Variants in ABCC4 observed in about 807,000 individuals in gnomAD.
The protein encoded by ABCC4 is ATP-binding cassette sub-family C member 4.
In ABCC4, 102 loss-of-function variants were observed where a neutral mutation model predicts 168.5. That is an observed-to-expected ratio of 0.61 (90% CI 0.52 to 0.71). The LOEUF is 0.71. ABCC4 is among the 30% of genes least tolerant of loss of function. The pLI is 0.00. For synonymous variants in ABCC4, 617 were observed against 590.7 expected (o/e 1.04, Z -0.65); for missense variants, 1,402 against 1,605.8 (o/e 0.87, Z 2.17).
chr13:95,032,221 C>T (rs1405527806), intron 30 of ABCC4, among the ~76,000 whole-genome samples: 2 of 152,188 alleles, frequency 1.3e-5, no homozygotes, highest in African/African-American at 2.4e-5. Context: ...GGCTTGAATC[C>T]GGACTCTGCC....
At chr13:95,209,365 A>G in intron 6 of ABCC4, 69 bp downstream of exon 6, 1 of 1,531,740 alleles carries the variant, frequency 6.5e-7, no homozygotes, top group East Asian at 2.3e-5. Flanking sequence ...GTTTCTGAAC[A>G]AAAGCATTGG....
intron 4 of ABCC4, among the ~76,000 whole-genome samples, chr13:95,216,619 A>AC (rs1405510451): frequency 6.6e-6 from 1 of 151,276 alleles, no homozygotes; most frequent in Non-Finnish European, 1.5e-5. Context: ...AAAAAAAAAA[A>AC]AAAAAAAAAA....
chr13:95,233,986 A>C (rs2039692533), intron 4 of ABCC4, among the ~76,000 whole-genome samples: 1 of 152,248 alleles, frequency 6.6e-6, no homozygotes, highest in African/African-American at 2.4e-5. Context: ...TAGATTTAGA[A>C]TATAAAGAAA....
chr13:95,164,339 A>G lies in ABCC4; in HGVS notation c.2175+39T>C, dbSNP rs766739179. 1.3e-5 allele frequency: 21 copies of G among 1,611,638 alleles called. No individual in the cohort carries two copies. The South Asian group carries it at 2.3e-4, about 18-fold the overall frequency. On this transcript the variant is annotated intron_variant, in intron 16 of 30. Transcript: ENST00000645237. ...AATAGCATAAACATAGGTACTGTAA[A>G]TATCATTTTGAGGGCGCAAAACAAA...
chr13:95,127,428 G>T (rs1296133867), intron 19 of ABCC4, among the ~76,000 whole-genome samples: 2 of 152,058 alleles, frequency 1.3e-5, no homozygotes, highest in Non-Finnish European at 2.9e-5. Context: ...TGGCAGGTGT[G>T]TGCCACCATG....
intron 8 of ABCC4, 133 bp from the exon 9 acceptor site, chr13:95,195,070 A>G: frequency 1.5e-6 from 1 of 673,406 alleles, no homozygotes; most frequent in Non-Finnish European, 2.6e-6. Context: ...CCCTATTTAA[A>G]GTATCGGTTC....
Position 95,186,988 on chromosome 13 carries a change from A to G in ABCC4, c.1354-96T>C, listed in dbSNP as rs2038086534. On this transcript the variant is annotated intron_variant, in intron 10 of 30. Coordinates refer to ENST00000645237, the MANE Select transcript of ABCC4 (RefSeq NM_005845.5). The stretch of plus-strand genomic sequence containing the variant: ...CTTGCCCAGCCCTGGGAGCTTGAAA[A>G]ACACCATTCATTCATTTAAAAGAGC... The G allele has an allele frequency of 3.9e-6, 4 of 1,024,582 alleles. No homozygotes were observed. In the South Asian group the frequency reaches 8.9e-5, roughly 23 times the overall value. 63.5% of individuals were successfully genotyped at this position (1,024,582 alleles called of 1,614,324 possible).
At chr13:95,107,565 T>C (rs2035051108) in intron 20 of ABCC4, among the ~76,000 whole-genome samples, 2 of 152,194 alleles carry the variant, frequency 1.3e-5, no homozygotes, top group African/African-American at 4.8e-5. Context: ...TGTTTTTCCT[T>C]GTTTATACAG....
intron 21 of ABCC4, among the ~76,000 whole-genome samples, chr13:95,077,960 C>CAA (rs2033964678): frequency 6.6e-6 from 1 of 152,116 alleles, no homozygotes. Context: ...CACTGGGGTT[C>CAA]TGAGAAAGTG....
chr13:95,127,534 T>C (rs571777738), intron 19 of ABCC4, among the ~76,000 whole-genome samples: 3 of 152,286 alleles, frequency 2.0e-5, no homozygotes, highest in Admixed American at 6.5e-5. Context: ...CGCTTTGGCC[T>C]CCCAAAGTGC....
chr13:95,112,976 G>A (rs2035254199), intron 20 of ABCC4, among the ~76,000 whole-genome samples: 2 of 152,116 alleles, frequency 1.3e-5, no homozygotes, highest in Non-Finnish European at 2.9e-5. Context: ...TTTGAAAGGG[G>A]CTAAATAAAC....
At chr13:95,138,657 C>T (rs1328764164) in intron 19 of ABCC4, among the ~76,000 whole-genome samples, 5 of 151,876 alleles carry the variant, frequency 3.3e-5, no homozygotes, top group African/African-American at 9.6e-5. Flanking sequence ...GATCCTGATT[C>T]TAAAAAAAAA....
At chr13:95,209,697 C>T in intron 5 of ABCC4, 100 bp from the exon 6 acceptor site, 1 of 1,202,758 alleles carries the variant, frequency 8.3e-7, no homozygotes, top group Non-Finnish European at 1.1e-6. Flanking sequence ...AGGCAAGATC[C>T]TAAACAGAAA....
chr13:95,215,658 A>G (rs1440027014), intron 4 of ABCC4, among the ~76,000 whole-genome samples: 3 of 152,254 alleles, frequency 2.0e-5, no homozygotes, highest in Non-Finnish European at 4.4e-5. Flanking sequence ...TTCTGGTGAC[A>G]GCAGAATTAA....
chr13:95,290,279 A>G (rs1040356810), intron 1 of ABCC4, among the ~76,000 whole-genome samples: 7 of 152,204 alleles, frequency 4.6e-5, no homozygotes, highest in African/African-American at 1.7e-4. Context: ...AGAAACTGCT[A>G]TGTAATCTAA....
intron 1 of ABCC4, among the ~76,000 whole-genome samples, chr13:95,260,006 C>A (rs531712607): frequency 4.6e-5 from 7 of 152,134 alleles, no homozygotes; most frequent in African/African-American, 1.4e-4. Context: ...ACCAGCAGCA[C>A]CAGAATCCCC....
At chr13:95,026,719 T>C (rs2031561102) in intron 30 of ABCC4, among the ~76,000 whole-genome samples, 1 of 151,884 alleles carries the variant, frequency 6.6e-6, no homozygotes, top group Non-Finnish European at 1.5e-5. Flanking sequence ...TGAGACCTTG[T>C]CTCTATGGGG....
In ABCC4 at chr13:95,043,795, CAAA is replaced by C. The variant is rs1355562463; in HGVS notation, c.3630-11_3630-9del. Reference sequence around the variant, plus strand: ...TGTATTAACTCATCAGTTCTGCAATCAAAGAAGTTAAGTTTAATTTCGTAAAGA... The same window carrying C: ...TGTATTAACTCATCAGTTCTGCAATCGAAGTTAAGTTTAATTTCGTAAAGA... On this transcript the variant is annotated splice_polypyrimidine_tract_variant and intron_variant, in intron 28 of 30. Coordinates refer to ENST00000645237, the MANE Select transcript of ABCC4 (RefSeq NM_005845.5). The C allele has an allele frequency of 6.2e-7, 1 of 1,600,568 alleles. No homozygotes were observed. Among genetic ancestry groups the C allele is most frequent in the Non-Finnish European group, 8.6e-7 (1 of 1,169,316 alleles).
chr13:95,165,657 T>G (rs2037246757), intron 15 of ABCC4, among the ~76,000 whole-genome samples: 1 of 152,210 alleles, frequency 6.6e-6, no homozygotes, highest in Non-Finnish European at 1.5e-5. Flanking sequence ...CACATGCTAC[T>G]TCTGGCCTAA....
Sources: allele counts gnomAD v4.1 joint callset (sites outside exome capture counted in the v4.1 genomes callset), GRCh38; gene constraint gnomAD v4.1.1; transcripts MANE v1.5; gene names NCBI Gene and HGNC (gene_info 2026-07-23, HGNC 2026-07-21).